Variants in RALYL observed in about 807,000 individuals in gnomAD.
The protein encoded by RALYL is RALY RNA binding protein like, also known as RNA-binding Raly-like protein.
RALYL carries 29 observed loss-of-function variants against 35.1 expected under a neutral mutation model. That is an observed-to-expected ratio of 0.83 (90% CI 0.61 to 1.13). The LOEUF is 1.13. Among genes scored for constraint, RALYL ranks in the 50% most tolerant of loss-of-function variants. RALYL has a pLI of 0.00. For missense variants in RALYL, 359 were observed against 360.4 expected (o/e 1.00, Z 0.03); for synonymous variants, 120 against 127.6 (o/e 0.94, Z 0.40).
At chr8:84,810,398 C>T (rs1283672289) in intron 4 of RALYL, among the ~76,000 whole-genome samples, 1 of 152,020 alleles carries the variant, frequency 6.6e-6, no homozygotes, top group Admixed American at 6.6e-5. Flanking sequence ...CATTTTATGG[C>T]CTATTGTATG....
chr8:84,398,084 A>G (rs1407392603), intron 1 of RALYL, among the ~76,000 whole-genome samples: 1 of 152,216 alleles, frequency 6.6e-6, no homozygotes, highest in Non-Finnish European at 1.5e-5. Flanking sequence ...AGTGTAGAGA[A>G]TGGCACAGAC....
At chr8:84,240,037 G>A (rs1273902255) in intron 1 of RALYL, among the ~76,000 whole-genome samples, 1 of 151,920 alleles carries the variant, frequency 6.6e-6, no homozygotes, top group Non-Finnish European at 1.5e-5. Context: ...GAAAGCCAAT[G>A]TTTTAATTCA....
chr8:84,725,199 G>T (rs969239109), intron 2 of RALYL, among the ~76,000 whole-genome samples: 1 of 151,572 alleles, frequency 6.6e-6, no homozygotes, highest in African/African-American at 2.4e-5. Flanking sequence ...GATAGTTTAG[G>T]CAGAGTCTTA....
chr8:84,345,568 C>A (rs1251220617), intron 1 of RALYL, among the ~76,000 whole-genome samples: 1 of 151,898 alleles, frequency 6.6e-6, no homozygotes, highest in Non-Finnish European at 1.5e-5. Context: ...GAAATGATAT[C>A]ACCTTCAAAA....
intron 1 of RALYL, among the ~76,000 whole-genome samples, chr8:84,442,409 T>C (rs1360454205): frequency 6.6e-6 from 1 of 152,176 alleles, no homozygotes; most frequent in African/African-American, 2.4e-5. Context: ...AAATTCTTTA[T>C]ACAACGTTTA....
intron 1 of RALYL, among the ~76,000 whole-genome samples, chr8:84,462,595 A>G (rs541767480): frequency 7.4e-6 from 1 of 135,860 alleles, no homozygotes; most frequent in Non-Finnish European, 1.5e-5. Context: ...GTATGTATCT[A>G]GATTCATTTT....
chr8:84,503,320 ATTTT>A (rs551446229), intron 1 of RALYL, among the ~76,000 whole-genome samples: 1 of 135,064 alleles, frequency 7.4e-6, no homozygotes. Flanking sequence ...TGCCTGGCTA[ATTTT>A]TTTTTTTTTT....
chr8:84,505,296 C>A (rs527683237), intron 1 of RALYL, among the ~76,000 whole-genome samples: 5 of 152,224 alleles, frequency 3.3e-5, no homozygotes, highest in African/African-American at 1.2e-4. Flanking sequence ...AAATTTGATA[C>A]CTTCTTATAC....
At chr8:84,797,479 C>A (rs1822216020) in intron 3 of RALYL, among the ~76,000 whole-genome samples, 1 of 152,174 alleles carries the variant, frequency 6.6e-6, no homozygotes, top group African/African-American at 2.4e-5. Context: ...AGCTCTGACT[C>A]TTGTGATAAT....
intron 1 of RALYL, among the ~76,000 whole-genome samples, chr8:84,258,279 C>T (rs80094386): frequency 2.6e-5 from 4 of 151,994 alleles, no homozygotes; most frequent in East Asian, 3.9e-4. Context: ...CATAAAAATG[C>T]GTGGCATAAT....
At chr8:84,912,652 T>C (rs1483187078) in intron 8 of RALYL, among the ~76,000 whole-genome samples, 1 of 152,030 alleles carries the variant, frequency 6.6e-6, no homozygotes, top group Non-Finnish European at 1.5e-5. Context: ...CTAATCAAAA[T>C]AGTTCCCAGT....
At position 84,843,979 on chromosome 8, in the gene RALYL, A is replaced by G. The variant is rs536300427; in HGVS notation, c.366-6001A>G. ...TACAAAAATTAATTCAAGATGGATT[A>G]AAGACTTAAATGTTAAACCTAGAAC... On this transcript the variant is annotated intron_variant, in intron 4 of 8. Coordinates refer to ENST00000521268, the MANE Select transcript of RALYL (RefSeq NM_173848.7). Among the ~76,000 whole-genome samples the G allele has an allele frequency of 2.0e-5, 3 of 152,362 alleles. No homozygotes were observed. In the East Asian group the frequency reaches 5.8e-4, roughly 29 times the overall value.
intron 3 of RALYL, among the ~76,000 whole-genome samples, chr8:84,799,509 A>G (rs1487277297): frequency 5.3e-5 from 8 of 152,218 alleles, no homozygotes; most frequent in African/African-American, 1.9e-4. Context: ...TTGAGAGGCA[A>G]GTACAGAATC....
intron 8 of RALYL, among the ~76,000 whole-genome samples, chr8:84,906,493 T>C (rs898470449): frequency 3.3e-5 from 5 of 152,140 alleles, no homozygotes; most frequent in African/African-American, 1.2e-4. Context: ...AATCTAATAA[T>C]CTGTGACAAA....
At chr8:84,718,971 C>A (rs1843396222) in intron 2 of RALYL, among the ~76,000 whole-genome samples, 1 of 152,000 alleles carries the variant, frequency 6.6e-6, no homozygotes, top group East Asian at 1.9e-4. Context: ...ATGTTGTTTC[C>A]ATTTAGAACA....
intron 7 of RALYL, among the ~76,000 whole-genome samples, chr8:84,875,287 TTATGGAGAACTCATTTAAA>T (rs959690703): frequency 2.1e-4 from 32 of 152,268 alleles, no homozygotes; most frequent in African/African-American, 7.5e-4. Flanking sequence ...GTTTAAAGGA[TTATGGAGAACTCATTTAAA>T]TATGGAGAAC....
At chr8:84,619,199 A>G (rs1412067061) in intron 2 of RALYL, among the ~76,000 whole-genome samples, 1 of 151,600 alleles carries the variant, frequency 6.6e-6, no homozygotes, top group Non-Finnish European at 1.5e-5. Flanking sequence ...TGGGGTGTTA[A>G]AGTCTCCCAT....
chr8:84,688,751 T>C (rs1258288045), intron 2 of RALYL, among the ~76,000 whole-genome samples: 1 of 152,108 alleles, frequency 6.6e-6, no homozygotes, highest in Non-Finnish European at 1.5e-5. Flanking sequence ...AAGAAGCTTT[T>C]TCACAGCAAG....
chr8:84,295,578 G>A (rs556508053), intron 1 of RALYL, among the ~76,000 whole-genome samples: 87 of 152,144 alleles, frequency 5.7e-4, no homozygotes, highest in African/African-American at 2.0e-3. Context: ...GAAATTATAG[G>A]CATGAGCCAC....
Sources: gnomAD v4.1 joint callset for allele counts (sites outside exome capture counted in the v4.1 genomes callset) on GRCh38, gnomAD v4.1.1 for gene constraint, MANE v1.5 for transcripts, NCBI Gene and HGNC (gene_info 2026-07-23, HGNC 2026-07-21) for gene names.